Variants in CHD9 observed in about 807,000 individuals in gnomAD.
CHD9 encodes the protein ATP-dependent chromatin remodeler CHD9.
Under a neutral mutation model 316.1 loss-of-function variants are expected in CHD9, and 77 were observed. That is an observed-to-expected ratio of 0.24 (90% CI 0.20 to 0.29). The LOEUF is 0.29. CHD9 is among the 10% of genes least tolerant of loss of function. The pLI is 1.00. For missense variants in CHD9, 2,763 were observed against 3,438.1 expected (o/e 0.80, Z 4.91); for synonymous variants, 1,129 against 1,158.3 (o/e 0.97, Z 0.51).
chr16:53,121,745 T>A (rs2038748356), intron 1 of CHD9: 1 of 163,280 alleles, frequency 6.1e-6, no homozygotes, highest in African/African-American at 2.4e-5. Context: ...TCATTTCTGT[T>A]TGCTTGAACA....
chr16:53,286,176 A>C, intron 25 of CHD9, 50 bp from the exon 26 acceptor site: 7 of 1,049,098 alleles, frequency 6.7e-6, no homozygotes, highest in Non-Finnish European at 1.0e-5. Flanking sequence ...ATATGTATAC[A>C]CCTTTCTTCT....
At chr16:53,316,308 T>G (rs2056881634) in intron 36 of CHD9, among the ~76,000 whole-genome samples, 1 of 152,268 alleles carries the variant, frequency 6.6e-6, no homozygotes, top group African/African-American at 2.4e-5. Context: ...AGTTAACAAT[T>G]TTTTATTGAG....
intron 1 of CHD9, among the ~76,000 whole-genome samples, chr16:53,149,922 T>C (rs955048543): frequency 2.0e-5 from 3 of 151,872 alleles, no homozygotes; most frequent in African/African-American, 7.2e-5. Flanking sequence ...CAGCTCTCTT[T>C]TGGTTACTAT....
intron 1 of CHD9, among the ~76,000 whole-genome samples, chr16:53,129,538 T>C (rs1262799451): frequency 1.3e-5 from 2 of 152,238 alleles, no homozygotes; most frequent in African/African-American, 4.8e-5. Context: ...ATATAAAGAA[T>C]GAAATTACTT....
At chr16:53,151,029 G>A (rs930989387) in intron 1 of CHD9, among the ~76,000 whole-genome samples, 1 of 151,830 alleles carries the variant, frequency 6.6e-6, no homozygotes, top group Admixed American at 6.6e-5. Flanking sequence ...GGGGAGTTTG[G>A]GGCCATAATT....
chr16:53,084,600 G>C (rs757360172), intron 1 of CHD9, among the ~76,000 whole-genome samples: 1 of 152,252 alleles, frequency 6.6e-6, no homozygotes, highest in African/African-American at 2.4e-5. Context: ...AAAATTAGCC[G>C]GGCGTGGTGG....
intron 1 of CHD9, among the ~76,000 whole-genome samples, chr16:53,104,811 C>CAA (rs11391135): frequency 8.6e-4 from 98 of 113,544 alleles, no homozygotes; most frequent in African/African-American, 1.4e-3. Context: ...AACTCTGTCT[C>CAA]AAAAAAAAAA....
At chr16:53,120,500 C>T (rs1266935578) in intron 1 of CHD9, among the ~76,000 whole-genome samples, 1 of 152,136 alleles carries the variant, frequency 6.6e-6, no homozygotes, top group Non-Finnish European at 1.5e-5. Flanking sequence ...GTAATCCCAG[C>T]TACTAAGGAG....
chr16:53,261,824 A>T (rs8051655), intron 19 of CHD9, among the ~76,000 whole-genome samples: 36,482 of 152,090 alleles, frequency 0.24, 4,705 homozygotes, highest in Middle Eastern at 0.32. Flanking sequence ...ACATGTTTCC[A>T]TATGTATCAT....
At chr16:53,148,337 G>C (rs1180192224) in intron 1 of CHD9, among the ~76,000 whole-genome samples, 1 of 152,200 alleles carries the variant, frequency 6.6e-6, no homozygotes, top group East Asian at 1.9e-4. Flanking sequence ...GGCCTCCTGG[G>C]CTCAAGCAGT....
chr16:53,171,603 AC>A lies in CHD9; in HGVS notation c.1452+14063del, dbSNP rs2042729202. ...TGTGGCTCATGTTTATAATACTAAC[AC>A]TTTGGGAGGCCGAGGCAGGTGATCA... is the stretch of plus-strand genomic sequence containing the variant. On this transcript the variant is annotated intron_variant, in intron 2 of 38. Coordinates refer to ENST00000447540, the MANE Select transcript of CHD9 (RefSeq NM_001308319.2). Among the ~76,000 whole-genome samples the A allele has an allele frequency of 5.3e-5, 8 of 152,080 alleles. No homozygotes were observed. The South Asian group carries it at 1.2e-3, about 24-fold the overall frequency.
At chr16:53,210,362 C>G (rs1353161857) in intron 3 of CHD9, among the ~76,000 whole-genome samples, 1 of 150,796 alleles carries the variant, frequency 6.6e-6, no homozygotes, top group Non-Finnish European at 1.5e-5. Flanking sequence ...TGATTTACTT[C>G]CATATAGTCT....
rs200302644 is a variant in CHD9, at chr16:53,286,259, C to G, written c.5105C>G (p.Pro1702Arg). Residue 1702 changes from proline (P) to arginine (R), a missense_variant, in exon 26 of 39, where the codon CCA (proline) becomes CGA (arginine). This residue lies in a region of CHD9 where 183 missense variants were observed against 258.5 expected (regional missense o/e 0.71). Coordinates refer to ENST00000447540, the MANE Select transcript of CHD9 (RefSeq NM_001308319.2). Reference protein sequence around the residue: ...YEKYNTIRADPALCFLERVGK... With the variant: ...YEKYNTIRADRALCFLERVGK... ...AAATATAACACTATTCGAGCAGACCCAGCATTATGCTTCTTGGAAAGAGTG... is the reference window on the plus strand; with the variant it reads ...AAATATAACACTATTCGAGCAGACCGAGCATTATGCTTCTTGGAAAGAGTG... The G allele has an allele frequency of 6.2e-7, 1 of 1,612,166 alleles. No individual in the cohort carries two copies. The highest frequency in any genetic ancestry group is 1.7e-5 in the Admixed American group (1 of 59,990).
intron 2 of CHD9, among the ~76,000 whole-genome samples, chr16:53,169,000 C>A (rs1264557531): frequency 6.6e-6 from 1 of 152,106 alleles, no homozygotes; most frequent in African/African-American, 2.4e-5. Context: ...CACTTGAGCT[C>A]AAGAGTTTTG....
chr16:53,104,093 G>A (rs1046197974), intron 1 of CHD9, among the ~76,000 whole-genome samples: 3 of 152,162 alleles, frequency 2.0e-5, no homozygotes. Context: ...CCTGGAGTTG[G>A]CCAGGGGAAT....
intron 2 of CHD9, among the ~76,000 whole-genome samples, chr16:53,187,995 G>A (rs147929456): frequency 9.5e-4 from 144 of 152,288 alleles, no homozygotes; most frequent in Admixed American, 2.2e-3. Flanking sequence ...GTTAGCAGTC[G>A]TTCCTAATTT....
At chr16:53,236,830 T>C (rs189324676) in intron 11 of CHD9, among the ~76,000 whole-genome samples, 1 of 152,258 alleles carries the variant, frequency 6.6e-6, no homozygotes, top group East Asian at 1.9e-4. Flanking sequence ...GCAGTACCTG[T>C]GACTATTCCT....
intron 19 of CHD9, among the ~76,000 whole-genome samples, chr16:53,259,125 A>G (rs1212948198): frequency 6.6e-6 from 1 of 152,244 alleles, no homozygotes; most frequent in Non-Finnish European, 1.5e-5. Flanking sequence ...TGGAAGGAGT[A>G]GCATCTTATT....
intron 38 of CHD9, 93 bp from the exon 39 acceptor site, chr16:53,323,923 ATAAT>A (rs2057426858): frequency 1.9e-5 from 20 of 1,036,962 alleles, no homozygotes; most frequent in East Asian, 2.6e-5. Context: ...AAATTTACAA[ATAAT>A]TACCTATTTT....
Sources: gnomAD v4.1 joint callset for allele counts (sites outside exome capture counted in the v4.1 genomes callset) on GRCh38, gnomAD v4.1.1 for gene constraint, gnomAD v4.1.1 regional missense constraint, MANE v1.5 for transcripts, NCBI Gene and HGNC (gene_info 2026-07-23, HGNC 2026-07-21) for gene names.